Variants in PTPRT observed in about 807,000 individuals in gnomAD.
PTPRT encodes the protein protein tyrosine phosphatase receptor type T.
Under a neutral mutation model 176.8 loss-of-function variants are expected in PTPRT, and 56 were observed. The observed-to-expected ratio is 0.32, with a 90% confidence interval of 0.26 to 0.40. The LOEUF is 0.40. Among genes scored for constraint, PTPRT ranks in the 10% least tolerant of loss-of-function variants. The probability of loss-of-function intolerance (pLI) is 1.00; values close to 1 mark genes in which losing one functional copy is unlikely to be tolerated. For synonymous variants in PTPRT, 783 were observed against 739.0 expected (o/e 1.06, Z -0.96); for missense variants, 1,540 against 1,908.2 (o/e 0.81, Z 3.60).
At chr20:42,348,954 A>C (rs2058236707) in intron 11 of PTPRT, among the ~76,000 whole-genome samples, 1 of 152,228 alleles carries the variant, frequency 6.6e-6, no homozygotes, top group Admixed American at 6.5e-5. Context: ...AACCAAGAGT[A>C]TAGAGATTCA....
At chr20:42,306,128 T>C (rs1232533798) in intron 12 of PTPRT, among the ~76,000 whole-genome samples, 1 of 152,208 alleles carries the variant, frequency 6.6e-6, no homozygotes. Context: ...TCCTGCTCCC[T>C]CAGGTCTCAT....
chr20:42,184,570 C>CTT (rs1990672372), intron 16 of PTPRT, among the ~76,000 whole-genome samples: 1 of 134,778 alleles, frequency 7.4e-6, no homozygotes, highest in Admixed American at 8.0e-5. Flanking sequence ...TATTCTTCTT[C>CTT]TTCTTCTTCT....
At position 42,694,141 on chromosome 20, in the gene PTPRT, C is replaced by T. The variant is rs189359290; in HGVS notation, c.860-15982G>A. 1.1e-3 allele frequency among the ~76,000 whole-genome samples: 171 copies of T among 151,936 alleles called. 1 individual carries two copies. The East Asian group carries it at 0.03, about 26-fold the overall frequency. ...GCAACCTCCACCTCCCAGGTTCACG[C>T]CATTCTCCTGCCTCAGCCTCTCAAG... is the stretch of plus-strand genomic sequence containing the variant. On this transcript the variant is annotated intron_variant, in intron 6 of 30. Coordinates refer to ENST00000373187, the MANE Select transcript of PTPRT (RefSeq NM_007050.6).
At chr20:42,413,192 T>C (rs1363766858) in intron 9 of PTPRT, among the ~76,000 whole-genome samples, 1 of 152,032 alleles carries the variant, frequency 6.6e-6, no homozygotes, top group Non-Finnish European at 1.5e-5. Flanking sequence ...AAACCACAAA[T>C]GAACAAATTT....
chr20:42,037,228 CAAT>C, the PTPRT span, among the ~76,000 whole-genome samples: 6 of 152,306 alleles, frequency 3.9e-5, no homozygotes, highest in African/African-American at 1.4e-4. Context: ...TAGACAGAAA[CAAT>C]GATGCTGTGT....
At chr20:42,740,949 G>A (rs1022819) in intron 6 of PTPRT, among the ~76,000 whole-genome samples, 102,608 of 152,046 alleles carry the variant, frequency 0.67, 34,825 homozygotes, top group East Asian at 0.84. Flanking sequence ...AATCCTCAGA[G>A]GTCTATTATA....
intron 1 of PTPRT, among the ~76,000 whole-genome samples, chr20:43,114,684 T>A (rs1260028654): frequency 6.6e-6 from 1 of 152,182 alleles, no homozygotes; most frequent in Admixed American, 6.6e-5. Context: ...TAGGCATTTT[T>A]TTCTGTTGCT....
intron 1 of PTPRT, among the ~76,000 whole-genome samples, chr20:43,091,226 C>G (rs1318793228): frequency 6.6e-6 from 1 of 151,512 alleles, no homozygotes; most frequent in Non-Finnish European, 1.5e-5. Flanking sequence ...GAGATTCCAT[C>G]TCAAAAAAAA....
intron 1 of PTPRT, among the ~76,000 whole-genome samples, chr20:43,039,923 C>T (rs1241861194): frequency 3.9e-5 from 6 of 152,044 alleles, no homozygotes; most frequent in Admixed American, 6.6e-5. Flanking sequence ...CGCCTGTAGA[C>T]CCAGCTACTC....
chr20:42,180,921 T>C (rs573223951), intron 16 of PTPRT, among the ~76,000 whole-genome samples: 57 of 152,330 alleles, frequency 3.7e-4, no homozygotes, highest in African/African-American at 1.3e-3. Context: ...CTACTACTAA[T>C]AGCTATGTGA....
At chr20:42,530,156 A>T (rs1340490260) in intron 7 of PTPRT, among the ~76,000 whole-genome samples, 2 of 152,234 alleles carry the variant, frequency 1.3e-5, no homozygotes, top group Admixed American at 1.3e-4. Flanking sequence ...ACATAGGCCG[A>T]TGAGGTAGTT....
intron 6 of PTPRT, among the ~76,000 whole-genome samples, chr20:42,740,440 ATCCTCCTGCTCTGTGCAGCCCCTGCCGAG>A (rs1280078983): frequency 6.6e-6 from 1 of 152,074 alleles, no homozygotes; most frequent in African/African-American, 2.4e-5. Context: ...CCTCATCTCC[ATCCTCCTGCTCTGTGCAGCCCCTGCCGAG>A]TCCTCCTGCC....
chr20:43,004,651 A>G (rs1984761659), intron 1 of PTPRT, among the ~76,000 whole-genome samples: 1 of 152,212 alleles, frequency 6.6e-6, no homozygotes, highest in African/African-American at 2.4e-5. Flanking sequence ...ACAAATAGGT[A>G]TGAAGATCTT....
chr20:42,909,576 C>T (rs745986204), intron 1 of PTPRT, among the ~76,000 whole-genome samples: 12 of 152,162 alleles, frequency 7.9e-5, no homozygotes, highest in Non-Finnish European at 1.2e-4. Flanking sequence ...TGAAATTCTC[C>T]CACAGATACA....
rs181369004 is a variant in PTPRT, at chr20:43,166,130, T to C, written c.88+23516A>G. ...ACCTGAGGTCAGGAGTTCGAGACCA[T>C]CGTGGCCAACATGGAGAAACCCTAT... On this transcript the variant is annotated intron_variant, in intron 1 of 30. Coordinates refer to ENST00000373187, the MANE Select transcript of PTPRT (RefSeq NM_007050.6). Among the ~76,000 whole-genome samples the C allele has an allele frequency of 4.0e-3, 603 of 151,916 alleles. 3 individuals are homozygous for C. Among genetic ancestry groups the C allele is most frequent in the African/African-American group, 0.014 (565 of 41,426 alleles).
chr20:42,640,621 A>G (rs1453194542), intron 7 of PTPRT, among the ~76,000 whole-genome samples: 1 of 151,894 alleles, frequency 6.6e-6, no homozygotes, highest in East Asian at 1.9e-4. Flanking sequence ...ACTCCTGACC[A>G]CCGCCTCAGC....
chr20:42,150,939 C>A (rs140332844), intron 17 of PTPRT, among the ~76,000 whole-genome samples: 1 of 152,058 alleles, frequency 6.6e-6, no homozygotes, highest in African/African-American at 2.4e-5. Context: ...ACACACCCCA[C>A]GGAATTTTGT....
chr20:42,927,740 C>T (rs1406205010), intron 1 of PTPRT, among the ~76,000 whole-genome samples: 1 of 152,172 alleles, frequency 6.6e-6, no homozygotes, highest in Admixed American at 6.5e-5. Flanking sequence ...GGGACTTCAC[C>T]TCCAAAGGGC....
At chr20:42,057,336 C>G in the PTPRT span, among the ~76,000 whole-genome samples, 2 of 151,656 alleles carry the variant, frequency 1.3e-5, no homozygotes, top group Non-Finnish European at 2.9e-5. Context: ...ATGTTATTGG[C>G]GGGGGGCGGG....
Sources: allele counts gnomAD v4.1 joint callset (sites outside exome capture counted in the v4.1 genomes callset), GRCh38; gene constraint gnomAD v4.1.1; transcripts MANE v1.5; gene names NCBI Gene and HGNC (gene_info 2026-07-23, HGNC 2026-07-21).